Variants in MRTFB observed in about 807,000 individuals in gnomAD.
MRTFB encodes the protein myocardin related transcription factor B.
In MRTFB, 29 loss-of-function variants were observed where a neutral mutation model predicts 104.2. That is an observed-to-expected ratio of 0.28 (90% CI 0.21 to 0.38). The LOEUF (loss-of-function observed/expected upper bound fraction) is 0.38, where lower values mean the gene tolerates loss of function less well. Among genes scored for constraint, MRTFB ranks in the 10% least tolerant of loss-of-function variants. The pLI, the probability that MRTFB is intolerant of heterozygous loss-of-function variation, is 1.00. For synonymous variants in MRTFB, 535 were observed against 519.5 expected, an observed-to-expected ratio of 1.03 and a Z score of -0.41; for missense variants, 1,270 against 1,341.6, an observed-to-expected ratio of 0.95 and a Z score of 0.83.
rs371158965 is a variant in MRTFB, at chr16:14,245,594, A to G, written c.1146A>G (p.Pro382=). ...TGAACAATGCCACACCTAACACACC[A>G]AGACAGAATACATCTACTCCTGTGA... ...SALNNATPNT[P]RQNTSTPVRK... The change falls in exon 11 of 17, where the codon CCA becomes CCG. Residue 382 remains proline, a synonymous_variant. Transcript: ENST00000571589. The G allele has an allele frequency of 1.9e-6, 3 of 1,614,130 alleles. No individual in the cohort carries two copies. The East Asian group carries it at 6.7e-5, about 36-fold the overall frequency.
the MRTFB span, among the ~76,000 whole-genome samples, chr16:14,030,242 A>G: frequency 6.6e-6 from 1 of 152,152 alleles, no homozygotes; most frequent in African/African-American, 2.4e-5. Context: ...GAGGACATTG[A>G]TGCCCACAGC....
chr16:14,005,664 C>A, the MRTFB span, among the ~76,000 whole-genome samples: 45,301 of 152,062 alleles, frequency 0.3, 10,839 homozygotes, highest in African/African-American at 0.67. Flanking sequence ...TATGGGAAAG[C>A]ATGTTCCGGA....
intron 7 of MRTFB, among the ~76,000 whole-genome samples, chr16:14,218,464 CT>C (rs375337630): frequency 6.7e-5 from 10 of 150,038 alleles, no homozygotes; most frequent in East Asian, 3.9e-4. Flanking sequence ...TTGGGTGGAT[CT>C]TTTTTTTTTC....
At chr16:14,039,613 A>G in the MRTFB span, among the ~76,000 whole-genome samples, 1 of 152,066 alleles carries the variant, frequency 6.6e-6, no homozygotes, top group Non-Finnish European at 1.5e-5. Flanking sequence ...ATGTATATGC[A>G]TAATTTGGAT....
intron 2 of MRTFB, among the ~76,000 whole-genome samples, chr16:14,124,471 T>C (rs1353591086): frequency 6.6e-6 from 1 of 152,228 alleles, no homozygotes; most frequent in East Asian, 1.9e-4. Context: ...GTTTTTAGCA[T>C]GAAGCGGTGT....
intron 3 of MRTFB, among the ~76,000 whole-genome samples, chr16:14,193,339 G>A (rs149949390): frequency 1.3e-5 from 2 of 151,878 alleles, no homozygotes; most frequent in East Asian, 1.9e-4. Context: ...AAATCTGTGG[G>A]GTAAAAAGCC....
rs562174017 is a variant in MRTFB, at chr16:14,260,155, A to G, written c.2765-754A>G. On this transcript the variant is annotated intron_variant, in intron 16 of 16. Coordinates refer to ENST00000571589, the MANE Select transcript of MRTFB (RefSeq NM_001308142.2). Reference sequence around the variant, plus strand: ...TAATGAAGACATTTACCAAATCATCAAAATTTTATATAAGCTCAGAAAACA... The same window carrying G: ...TAATGAAGACATTTACCAAATCATCGAAATTTTATATAAGCTCAGAAAACA... 4.8e-4 allele frequency among the ~76,000 whole-genome samples: 73 copies of G among 152,354 alleles called. 1 individual carries two copies. The South Asian group carries it at 0.014, about 30-fold the overall frequency.
the MRTFB span, among the ~76,000 whole-genome samples, chr16:14,061,097 G>C: frequency 6.6e-6 from 1 of 151,916 alleles, no homozygotes; most frequent in Non-Finnish European, 1.5e-5. Flanking sequence ...AGTGAGCCAA[G>C]ATGGCGCCAC....
At chr16:14,099,381 G>GT (rs1415575621) in intron 2 of MRTFB, among the ~76,000 whole-genome samples, 4 of 136,882 alleles carry the variant, frequency 2.9e-5, no homozygotes, top group African/African-American at 6.7e-5. Context: ...TTTTTTGGTG[G>GT]GTTTTTTTTT....
chr16:14,169,833 T>C (rs1230505483), intron 3 of MRTFB, among the ~76,000 whole-genome samples: 3 of 152,152 alleles, frequency 2.0e-5, no homozygotes, highest in Non-Finnish European at 2.9e-5. Flanking sequence ...GAGACCAGCC[T>C]GGGAAATATA....
chr16:14,015,443 C>G, the MRTFB span, among the ~76,000 whole-genome samples: 245 of 152,140 alleles, frequency 1.6e-3, 1 homozygote, highest in Non-Finnish European at 1.8e-3. Context: ...TATCATTACT[C>G]AGAAAGAGAC....
intron 2 of MRTFB, among the ~76,000 whole-genome samples, chr16:14,111,318 G>A (rs1306164370): frequency 6.6e-6 from 1 of 152,134 alleles, no homozygotes; most frequent in Non-Finnish European, 1.5e-5. Context: ...CAGAGAGAAG[G>A]AAGTTTTAAG....
At chr16:14,071,553 C>T (rs1332295007) in intron 1 of MRTFB, among the ~76,000 whole-genome samples, 188 bp downstream of exon 1, 1 of 151,194 alleles carries the variant, frequency 6.6e-6, no homozygotes, top group East Asian at 2.0e-4. Flanking sequence ...GGCGGGGCGG[C>T]CGGGGCCGCG....
At chr16:14,200,695 A>C in intron 3 of MRTFB, 1 of 1,538,884 alleles carries the variant, frequency 6.5e-7, no homozygotes, top group Non-Finnish European at 9.0e-7. Flanking sequence ...AGTCCTCTCA[A>C]GAGAATGAAA....
chr16:14,027,558 G>C, the MRTFB span, among the ~76,000 whole-genome samples: 1 of 152,158 alleles, frequency 6.6e-6, no homozygotes, highest in Non-Finnish European at 1.5e-5. Context: ...TCTGAAGAAG[G>C]TGTGTAGTTG....
intron 1 of MRTFB, among the ~76,000 whole-genome samples, chr16:14,078,357 G>C (rs1426288899): frequency 1.3e-5 from 2 of 151,894 alleles, no homozygotes; most frequent in Non-Finnish European, 2.9e-5. Context: ...TTTATATTAT[G>C]TGTCTAGGTA....
At chr16:14,028,825 C>G in the MRTFB span, among the ~76,000 whole-genome samples, 2 of 136,142 alleles carry the variant, frequency 1.5e-5, no homozygotes, top group African/African-American at 2.5e-5. Context: ...GTCAAGGGCT[C>G]AGGGCCAGGC....
At chr16:14,086,034 T>C (rs4781568) in intron 2 of MRTFB, among the ~76,000 whole-genome samples, 8,934 of 152,310 alleles carry the variant, frequency 0.059, 516 homozygotes, top group East Asian at 0.3. Flanking sequence ...TTCATAGTTA[T>C]GTTATTTGAA....
At chr16:14,016,866 G>A in the MRTFB span, among the ~76,000 whole-genome samples, 2 of 150,546 alleles carry the variant, frequency 1.3e-5, no homozygotes, top group African/African-American at 4.9e-5. Flanking sequence ...ATGTGAACAT[G>A]TGATTCAGAA....
Sources: gnomAD v4.1 joint callset for allele counts (sites outside exome capture counted in the v4.1 genomes callset) on GRCh38, gnomAD v4.1.1 for gene constraint, MANE v1.5 for transcripts, NCBI Gene and HGNC (gene_info 2026-07-23, HGNC 2026-07-21) for gene names.